UTP20: variants seen among roughly 807,000 people sequenced by gnomAD.
UTP20 encodes small subunit processome component 20 homolog.
In UTP20, 164 loss-of-function variants were observed where a neutral mutation model predicts 329.5. That is an observed-to-expected ratio of 0.50 (90% confidence interval 0.44 to 0.57). The LOEUF is 0.57. UTP20 is among the 20% of genes least tolerant of loss of function. The probability of loss-of-function intolerance (pLI) is 0.00; values close to 1 mark genes in which losing one functional copy is unlikely to be tolerated. For synonymous variants in UTP20, 1,151 were observed against 1,159.3 expected (o/e 0.99, Z 0.14); for missense variants, 3,055 against 3,284.2 (o/e 0.93, Z 1.71).
chr12:101,379,486 T>C lies in UTP20; in HGVS notation c.7512T>C (p.Asn2504=), dbSNP rs555717337. Reference sequence around the variant, plus strand: ...CAGAGGAGCTTATTCAAAAATGGAATACCAAAAAGACCAAAAAACACCTCC... The same window carrying C: ...CAGAGGAGCTTATTCAAAAATGGAACACCAAAAAGACCAAAAAACACCTCC... ...CQPEELIQKW[N]TKKTKKHLPE... is the part of the protein sequence containing the mutation. The change falls in exon 57 of 62, where the codon AAT becomes AAC. Residue 2504 remains asparagine, a synonymous_variant. Transcript: ENST00000261637. 6.2e-7 allele frequency: 1 copy of C among 1,614,064 alleles called. No homozygotes were observed. Among genetic ancestry groups the C allele is most frequent in the East Asian group, 2.2e-5 (1 of 44,868 alleles).
At chr12:101,323,479 G>A (rs914654332) in intron 25 of UTP20, among the ~76,000 whole-genome samples, 1 of 152,094 alleles carries the variant, frequency 6.6e-6, no homozygotes, top group African/African-American at 2.4e-5. Context: ...TCCAACACTA[G>A]GGTGTTTGTT....
intron 44 of UTP20, 63 bp downstream of exon 44, chr12:101,362,123 A>G (rs773429719): frequency 4.4e-5 from 51 of 1,167,338 alleles, no homozygotes; most frequent in Non-Finnish European, 5.8e-5. Context: ...AAAAAAATCA[A>G]TTCACCAAAT....
At chr12:101,356,283 C>A (rs1869718457) in intron 41 of UTP20, among the ~76,000 whole-genome samples, 1 of 152,122 alleles carries the variant, frequency 6.6e-6, no homozygotes, top group African/African-American at 2.4e-5. Context: ...TGCACCACCA[C>A]GCCCGGCTAA....
intron 41 of UTP20, among the ~76,000 whole-genome samples, chr12:101,356,132 CTTTTTCTTTT>C (rs1293025260): frequency 6.6e-6 from 1 of 152,078 alleles, no homozygotes; most frequent in African/African-American, 2.4e-5. Flanking sequence ...TCTTTTCTTT[CTTTTTCTTTT>C]TGAGATGGAC....
rs990458929 is a variant in UTP20 at position 101,362,716 on chromosome 12, CAA to C, written c.5790+659_5790+660del. 3.6e-4 allele frequency among the ~76,000 whole-genome samples: 48 copies of C among 132,298 alleles called. 3 individuals are homozygous for C. Among genetic ancestry groups the C allele is most frequent in the Non-Finnish European group, 2.7e-4 (18 of 67,680 alleles). The allele number at this position is 132,298 out of a possible 152,430, so 86.8% of individuals were successfully genotyped here. ...GAGACTCTGTCTCAAAAAAACAAAA[CAA>C]AACAAAATTGGATAGTATACTAATT... is the stretch of plus-strand genomic sequence containing the variant. On this transcript the variant is annotated intron_variant, in intron 44 of 61. Coordinates refer to ENST00000261637, the MANE Select transcript of UTP20 (RefSeq NM_014503.3).
At chr12:101,291,260 A>G (rs116297966) in intron 8 of UTP20, 3,233 of 170,652 alleles carry the variant, frequency 0.019, 122 homozygotes, top group African/African-American at 0.074. Flanking sequence ...ATACTTGTAA[A>G]AAACTTAGAA....
chr12:101,379,675 T>A, intron 57 of UTP20, 117 bp downstream of exon 57: 1 of 1,115,082 alleles, frequency 9.0e-7, no homozygotes, highest in Non-Finnish European at 1.3e-6. Flanking sequence ...CAATTTGTTG[T>A]ACAGGTGAAT....
chr12:101,371,161 G>A lies in UTP20; in HGVS notation c.6791G>A (p.Cys2264Tyr), dbSNP rs754408117. 17 of 1,613,138 alleles carry A rather than the reference G, an allele frequency of 1.1e-5. No individual in the cohort carries two copies. In the African/African-American group the frequency reaches 1.1e-4, roughly 10 times the overall value. The change falls in exon 51 of 62, where the codon TGT (cysteine) becomes TAT (tyrosine). Residue 2264 changes from cysteine to tyrosine, a missense_variant. This residue lies in a region of UTP20 where 273 missense variants were observed against 363.1 expected (regional missense o/e 0.75). Coordinates refer to ENST00000261637, the MANE Select transcript of UTP20 (RefSeq NM_014503.3). ...SAQSEPARVQ[C>Y]RQVFLKYILD... ...CAAAGCGAACCTGCCAGGGTCCAGT[G>A]TAGACAGGTTTGTAGAGAGCACTTA...
intron 21 of UTP20, among the ~76,000 whole-genome samples, chr12:101,314,657 C>CAAA: frequency 9.5e-6 from 1 of 105,694 alleles, no homozygotes; most frequent in East Asian, 2.2e-4. Context: ...GACTCTGTCT[C>CAAA]AAAAAAAAAA....
chr12:101,347,836 C>G (rs1267130761), intron 38 of UTP20, among the ~76,000 whole-genome samples: 1 of 151,974 alleles, frequency 6.6e-6, no homozygotes, highest in Non-Finnish European at 1.5e-5. Context: ...CACATGGTAT[C>G]TCCTTTTTTT....
rs1298681487 is a variant in UTP20 at position 101,295,547 on chromosome 12, A to G, written c.1319A>G (p.Asp440Gly). The part of the protein sequence containing the change: ...CFLIDDAVVK[D>G]EALAILAKLI... ...TTAATTGATGATGCTGTAGTCAAAG[A>G]TGAAGCTCTGGCCATTCTGGCCAAG... Residue 440 changes from aspartate to glycine, a missense_variant, in exon 12 of 62, where the codon GAT becomes GGT. This residue lies in a region of UTP20 where 2,445 missense variants were observed against 2,575.5 expected (regional missense o/e 0.95). Transcript: ENST00000261637. 6.2e-7 allele frequency: 1 copy of G among 1,613,252 alleles called. No homozygotes were observed. Among genetic ancestry groups the G allele is most frequent in the Non-Finnish European group, 8.5e-7 (1 of 1,179,718 alleles).
chr12:101,292,212 A>G, intron 10 of UTP20, 108 bp downstream of exon 10: 1 of 1,247,098 alleles, frequency 8.0e-7, no homozygotes, highest in East Asian at 2.5e-5. Flanking sequence ...CCCTCAAGGA[A>G]TTTATAATCT....
chr12:101,287,005 A>G (rs561698893), intron 5 of UTP20, among the ~76,000 whole-genome samples: 74 of 152,322 alleles, frequency 4.9e-4, no homozygotes, highest in African/African-American at 1.6e-3. Flanking sequence ...GTGGACAAGG[A>G]AAGAGAATGA....
chr12:101,366,768 T>C (rs527267189), intron 47 of UTP20, 69 bp downstream of exon 47: 4 of 1,534,304 alleles, frequency 2.6e-6, no homozygotes, highest in Admixed American at 4.0e-5. Flanking sequence ...TTCTGTTGAA[T>C]TTCTAGTACT....
chr12:101,323,650 T>C (rs2137262256), intron 25 of UTP20, among the ~76,000 whole-genome samples: 3 of 152,306 alleles, frequency 2.0e-5, no homozygotes, highest in Middle Eastern at 6.8e-3. Flanking sequence ...TTTTTTAATG[T>C]CTGACAACTT....
intron 26 of UTP20, among the ~76,000 whole-genome samples, chr12:101,327,975 A>G (rs767069207): frequency 1.3e-5 from 2 of 152,174 alleles, no homozygotes; most frequent in Non-Finnish European, 2.9e-5. Flanking sequence ...TTAGAAAGGT[A>G]TTTCACCCAT....
Position 101,386,119 on chromosome 12 carries a change from A to G in UTP20, c.8354A>G (p.Glu2785Gly). 1 of 1,604,318 alleles carries G rather than the reference A, an allele frequency of 6.2e-7. No individual in the cohort carries two copies. Among genetic ancestry groups the G allele is most frequent in the Non-Finnish European group, 8.5e-7 (1 of 1,178,058 alleles). ...SHSLKDLAMV[E>G] ...AGCCTGAAAGATTTAGCAATGGTGG[A>G]GTAATGTCTCCCTGTGCTGATACAA... Residue 2785 changes from glutamate to glycine, a missense_variant, in exon 62 of 62, where the codon GAG (glutamate) becomes GGG (glycine). Glu to Gly is a moderately conservative substitution (Grantham distance 98). Transcript: ENST00000261637.
At chr12:101,334,985 GAT>G (rs1565796800) in intron 29 of UTP20, among the ~76,000 whole-genome samples, 1 of 150,918 alleles carries the variant, frequency 6.6e-6, no homozygotes, top group African/African-American at 2.4e-5. Flanking sequence ...AAAAAAAAAA[GAT>G]AAAAAGATAA....
In UTP20 at chr12:101,292,033, G is replaced by A. The variant is rs1198517590; in HGVS notation, c.1102G>A (p.Val368Ile). The A allele has an allele frequency of 2.2e-5, 36 of 1,614,050 alleles. No homozygotes were observed. The highest frequency in any genetic ancestry group is 2.8e-5 in the Non-Finnish European group (33 of 1,180,034). Residue 368 changes from valine (V) to isoleucine (I), a missense_variant, in exon 10 of 62, where the codon GTA becomes ATA. Physicochemically the swap from Val to Ile is conservative, Grantham distance 29. Transcript: ENST00000261637. Reference sequence around the variant, plus strand: ...ATCTTGCTGGGAGACCCTCTTGGATGTAATTTCTGCTTTGATCCTGGGTGA... The same window carrying A: ...ATCTTGCTGGGAGACCCTCTTGGATATAATTTCTGCTTTGATCCTGGGTGA... Reference protein sequence around the residue: ...STSCWETLLDVISALILGENV... With the variant: ...STSCWETLLDIISALILGENV...
Sources: allele counts gnomAD v4.1 joint callset (sites outside exome capture counted in the v4.1 genomes callset), GRCh38; gene constraint gnomAD v4.1.1; regional missense constraint gnomAD v4.1.1; transcripts MANE v1.5; gene names NCBI Gene and HGNC (gene_info 2026-07-23, HGNC 2026-07-21).